The following CERT1 variants were observed in gnomAD, a reference collection of about 807,000 sequenced individuals.
CERT1 encodes the protein ceramide transfer protein.
A neutral mutation model predicts 87.9 loss-of-function variants in CERT1; 31 were observed. That is an observed-to-expected ratio of 0.35 (90% CI 0.27 to 0.48). CERT1 has a LOEUF of 0.48. Ranked by LOEUF, CERT1 falls within the 20% of genes least tolerant of loss-of-function variation. The pLI is 0.99. For missense variants in CERT1, 487 were observed against 758.0 expected (o/e 0.64, Z 4.20); for synonymous variants, 289 against 250.9 (o/e 1.15, Z -1.44).
chr5:75,457,788 C>T (rs911009200), intron 3 of CERT1, among the ~76,000 whole-genome samples: 1 of 150,040 alleles, frequency 6.7e-6, no homozygotes, highest in African/African-American at 2.5e-5. Flanking sequence ...GTGTTTTGTG[C>T]TTGTTAAAAA....
intron 2 of CERT1, among the ~76,000 whole-genome samples, chr5:75,480,382 A>G (rs1027522623): frequency 1.1e-4 from 16 of 152,300 alleles, no homozygotes; most frequent in African/African-American, 3.8e-4. Flanking sequence ...ATCTCTCCTT[A>G]TATCTCATTG....
At chr5:75,373,800 G>T (rs1240013127), downstream of CERT1, 2 of 301,450 alleles carry the variant, frequency 6.6e-6, no homozygotes, top group Admixed American at 5.0e-5. Context: ...CTTTTCTTTT[G>T]TGCACAAAAC....
intron 3 of CERT1, among the ~76,000 whole-genome samples, chr5:75,435,022 T>TG (rs1276062466): frequency 6.6e-6 from 1 of 152,194 alleles, no homozygotes; most frequent in East Asian, 1.9e-4. Context: ...CTGCTGGCTT[T>TG]GGGGTTGGTC....
intron 3 of CERT1, among the ~76,000 whole-genome samples, chr5:75,441,628 G>C (rs1764327635): frequency 1.3e-5 from 2 of 152,066 alleles, no homozygotes; most frequent in African/African-American, 4.8e-5. Context: ...CTGTCTCTAT[G>C]AATTTGACTA....
rs780272513 is a variant in CERT1 at position 75,379,194 on chromosome 5, C to A, written c.*152G>T. ...AAGACCCTGTTTAAAACAACAACAA[C>A]GACAACAACAAAAACCAACGAAACA... On this transcript the variant is annotated 3_prime_UTR_variant, in exon 17 of 17. Transcript: ENST00000643780. 12 of 701,694 alleles carry A rather than the reference C, an allele frequency of 1.7e-5. No individual in the cohort carries two copies. In the South Asian group the frequency reaches 2.4e-4, roughly 14 times the overall value. 43.5% of individuals were successfully genotyped at this position (701,694 alleles called of 1,614,324 possible). A position where few individuals can be genotyped will look rare whatever the true frequency, so the allele number is the denominator to read the frequency against.
intron 2 of CERT1, among the ~76,000 whole-genome samples, chr5:75,486,313 C>G (rs899623978): frequency 6.6e-6 from 1 of 151,932 alleles, no homozygotes; most frequent in African/African-American, 2.4e-5. Flanking sequence ...ATGATAAAAA[C>G]CCTCACAAAA....
At chr5:75,413,366 T>G (rs1018655026) in intron 7 of CERT1, among the ~76,000 whole-genome samples, 111 of 152,202 alleles carry the variant, frequency 7.3e-4, no homozygotes, top group African/African-American at 2.7e-3. Context: ...ACAGTGGAAA[T>G]CAATGAATCA....
downstream of CERT1, chr5:75,375,226 A>G (rs993756029): frequency 1.3e-5 from 2 of 153,262 alleles, no homozygotes; most frequent in African/African-American, 4.8e-5. Context: ...TATTCAAGCT[A>G]TGAGAGAGAG....
intron 8 of CERT1, among the ~76,000 whole-genome samples, chr5:75,409,053 T>C (rs1012063491): frequency 9.9e-5 from 15 of 152,134 alleles, no homozygotes; most frequent in Admixed American, 9.8e-4. Context: ...ATGGGCTTTA[T>C]TGGCTTATTT....
At chr5:75,460,638 G>C (rs894599373) in intron 2 of CERT1, among the ~76,000 whole-genome samples, 1 of 152,182 alleles carries the variant, frequency 6.6e-6, no homozygotes, top group African/African-American at 2.4e-5. Flanking sequence ...ACCTTGGAGG[G>C]AAAAGAATCC....
intron 3 of CERT1, among the ~76,000 whole-genome samples, chr5:75,449,799 C>T (rs971585851): frequency 4.0e-5 from 6 of 151,818 alleles, no homozygotes; most frequent in Non-Finnish European, 8.8e-5. Context: ...GCATGGAGTA[C>T]CTTTATTTAT....
intron 2 of CERT1, among the ~76,000 whole-genome samples, chr5:75,477,607 T>C (rs1055211918): frequency 1.0e-4 from 12 of 116,778 alleles, no homozygotes; most frequent in African/African-American, 2.7e-4. Context: ...TATAAGTTCA[T>C]AGAAGGTCAC....
At chr5:75,491,673 T>C (rs1047327804) in intron 2 of CERT1, among the ~76,000 whole-genome samples, 2 of 152,190 alleles carry the variant, frequency 1.3e-5, no homozygotes, top group African/African-American at 4.8e-5. Context: ...TGCACTTGAG[T>C]GTGTTACCTT....
chr5:75,452,465 C>T (rs988983872), intron 3 of CERT1, among the ~76,000 whole-genome samples: 2 of 152,086 alleles, frequency 1.3e-5, no homozygotes, highest in African/African-American at 4.8e-5. Context: ...GTCAGGAAAG[C>T]CTTCGTGCTA....
intron 2 of CERT1, among the ~76,000 whole-genome samples, chr5:75,465,992 T>C (rs1448842231): frequency 1.3e-5 from 2 of 152,194 alleles, no homozygotes; most frequent in African/African-American, 4.8e-5. Flanking sequence ...ACAGATCATT[T>C]GAAGGAGACC....
intron 2 of CERT1, among the ~76,000 whole-genome samples, chr5:75,493,193 C>T (rs1766879296): frequency 6.6e-6 from 1 of 152,106 alleles, no homozygotes; most frequent in African/African-American, 2.4e-5. Context: ...GAATAATGAA[C>T]CCTCTTACCA....
At chr5:75,451,896 A>G (rs1764782825) in intron 3 of CERT1, among the ~76,000 whole-genome samples, 1 of 152,206 alleles carries the variant, frequency 6.6e-6, no homozygotes, top group South Asian at 2.1e-4. Context: ...TCATTATGGC[A>G]AAAGGAACAA....
intron 8 of CERT1, among the ~76,000 whole-genome samples, chr5:75,407,118 G>A (rs1008943039): frequency 6.6e-6 from 1 of 151,882 alleles, no homozygotes; most frequent in Non-Finnish European, 1.5e-5. Context: ...TTAACTTAGT[G>A]AGAAAAAAAA....
At chr5:75,405,787 T>C (rs752614229) in intron 8 of CERT1, among the ~76,000 whole-genome samples, 1 of 151,552 alleles carries the variant, frequency 6.6e-6, no homozygotes, top group Non-Finnish European at 1.5e-5. Flanking sequence ...AATTAAACTT[T>C]ATCACAGGTA....
Sources: gnomAD v4.1 joint callset for allele counts (sites outside exome capture counted in the v4.1 genomes callset) on GRCh38, gnomAD v4.1.1 for gene constraint, MANE v1.5 for transcripts, NCBI Gene and HGNC (gene_info 2026-07-23, HGNC 2026-07-21) for gene names.